TM4SF20: variants seen among roughly 807,000 people sequenced by gnomAD.
TM4SF20 encodes transmembrane 4 L six family member 20, also known as transmembrane 4 L6 family member 20.
Under a neutral mutation model 15.1 loss-of-function variants are expected in TM4SF20, and 13 were observed. The ratio of observed to expected loss-of-function variants is 0.86; its 90% confidence interval spans 0.56 to 1.36. TM4SF20 has a LOEUF of 1.36. Ranked by LOEUF, TM4SF20 falls within the 40% of genes most tolerant of loss-of-function variation. TM4SF20 has a pLI of 0.00. For missense variants in TM4SF20, 282 were observed against 268.4 expected, an observed-to-expected ratio of 1.05 and a Z score of -0.35; for synonymous variants, 92 against 96.6, an observed-to-expected ratio of 0.95 and a Z score of 0.28.
In TM4SF20 at chr2:227,368,942, TAAA is replaced by T. The variant is rs138200027; in HGVS notation, c.249+1970_249+1972del. On this transcript the variant is annotated intron_variant, in intron 2 of 3. Transcript: ENST00000304568. The stretch of plus-strand genomic sequence containing the variant: ...GGCCTCAAAGACACCAGATACGACA[TAAA>T]AACCAGTTCTTAGAGGATACACCTA... 2.3e-3 allele frequency among the ~76,000 whole-genome samples: 356 copies of T among 152,328 alleles called. 12 individuals carry two copies. In the East Asian group the frequency reaches 0.063, roughly 27 times the overall value.
chr2:227,379,022 C>A (rs2076464756), intron 1 of TM4SF20, 64 bp downstream of exon 1: 1 of 1,535,238 alleles, frequency 6.5e-7, no homozygotes, highest in African/African-American at 1.4e-5. Flanking sequence ...TGGAAGACAG[C>A]TTTTAGGATT....
intron 2 of TM4SF20, among the ~76,000 whole-genome samples, chr2:227,368,335 T>TCATATA (rs1553786651): frequency 2.4e-5 from 3 of 122,726 alleles, no homozygotes; most frequent in African/African-American, 9.4e-5. Flanking sequence ...CATCTATTAT[T>TCATATA]TATATATATA....
chr2:227,364,179 T>TA (rs1182873672), intron 3 of TM4SF20, among the ~76,000 whole-genome samples, 167 bp from the exon 4 acceptor site: 1 of 152,208 alleles, frequency 6.6e-6, no homozygotes, highest in Admixed American at 6.5e-5. Context: ...CTCTACTAGT[T>TA]ACAAAACTTT....
intron 2 of TM4SF20, among the ~76,000 whole-genome samples, chr2:227,370,280 C>T (rs903637742): frequency 2.6e-5 from 4 of 152,074 alleles, no homozygotes; most frequent in African/African-American, 4.8e-5. Context: ...ATATCACACC[C>T]GAGTATTATG....
intron 2 of TM4SF20, 76 bp from the exon 3 acceptor site, chr2:227,366,320 A>G (rs1307073269): frequency 1.5e-6 from 2 of 1,318,820 alleles, no homozygotes; most frequent in South Asian, 2.9e-5. Flanking sequence ...GAGCGTATAC[A>G]GTCTTTTTTA....
chr2:227,363,837 A>C lies in TM4SF20; in HGVS notation c.577T>G (p.Leu193Val), dbSNP rs1230081095. The C allele has an allele frequency of 6.2e-7, 1 of 1,614,182 alleles. No individual in the cohort carries two copies. Among genetic ancestry groups the C allele is most frequent in the East Asian group, 2.2e-5 (1 of 44,886 alleles). ...KHRLIHFSVF[L>V]GLLLVGILEV... The stretch of plus-strand genomic sequence containing the variant: ...AGAATTCCAACAAGCAATAGACCTA[A>C]AAATACTGAGAAGTGGATAAGCCTA... The change falls in exon 4 of 4, where the codon TTA becomes GTA. Residue 193 changes from leucine (L) to valine (V), a missense_variant. Transcript: ENST00000304568.
chr2:227,367,845 G>A (rs1190462769), intron 2 of TM4SF20, among the ~76,000 whole-genome samples: 1 of 152,038 alleles, frequency 6.6e-6, no homozygotes, highest in African/African-American at 2.4e-5. Flanking sequence ...GACAAAACTT[G>A]TCAGGCTCTC....
At chr2:227,368,199 A>G (rs1560004248) in intron 2 of TM4SF20, among the ~76,000 whole-genome samples, 2 of 147,508 alleles carry the variant, frequency 1.4e-5, no homozygotes, top group Non-Finnish European at 3.0e-5. Flanking sequence ...AATTTTTTGT[A>G]TTTTTAGTAG....
chr2:227,374,088 TAAAAAAAAAAA>T (rs79866106), intron 1 of TM4SF20, among the ~76,000 whole-genome samples: 4 of 85,310 alleles, frequency 4.7e-5, no homozygotes, highest in African/African-American at 1.8e-4. Flanking sequence ...AGACCCTGTC[TAAAAAAAAAAA>T]AAAAAAAAAA....
rs2076467411 is a variant in TM4SF20, at chr2:227,379,200, T to C, written c.69A>G (p.Val23=). The C allele has an allele frequency of 1.2e-6, 2 of 1,614,118 alleles. No homozygotes were observed. Among genetic ancestry groups the C allele is most frequent in the Non-Finnish European group, 1.7e-6 (2 of 1,180,048 alleles). Residue 23 remains valine, a synonymous_variant, in exon 1 of 4, where the codon GTA becomes GTG. Transcript: ENST00000304568. ...CAATTAGAGGTATCGCATTGAGAAC[T>C]ACTCCTAACAGCAGTAGAACCAGCA... ...FSLLVLLLLG[V]VLNAIPLIVS...
At chr2:227,376,431 C>G (rs2076450952) in intron 1 of TM4SF20, among the ~76,000 whole-genome samples, 1 of 152,160 alleles carries the variant, frequency 6.6e-6, no homozygotes, top group Non-Finnish European at 1.5e-5. Flanking sequence ...GAAAATATAC[C>G]TGTAGTCTGA....
At chr2:227,369,586 GC>G in intron 2 of TM4SF20, among the ~76,000 whole-genome samples, 1 of 152,056 alleles carries the variant, frequency 6.6e-6, no homozygotes, top group East Asian at 1.9e-4. Flanking sequence ...GGGCCACCGT[GC>G]CCAGCTAATT....
intron 2 of TM4SF20, among the ~76,000 whole-genome samples, chr2:227,367,985 C>G (rs1300406870): frequency 1.3e-5 from 2 of 149,344 alleles, no homozygotes; most frequent in Non-Finnish European, 3.0e-5. Context: ...ATGTACTCAT[C>G]AAGAAGTGCC....
intron 1 of TM4SF20, among the ~76,000 whole-genome samples, chr2:227,374,081 C>T (rs1490387004): frequency 2.2e-5 from 3 of 135,958 alleles, no homozygotes; most frequent in Admixed American, 7.7e-5. Context: ...CAAAGTGAGA[C>T]CCTGTCTAAA....
chr2:227,364,569 T>G (rs2076381654), intron 3 of TM4SF20, among the ~76,000 whole-genome samples: 1 of 152,178 alleles, frequency 6.6e-6, no homozygotes, highest in Non-Finnish European at 1.5e-5. Flanking sequence ...CAAGATGATT[T>G]TTTGTTTGTT....
intron 2 of TM4SF20, among the ~76,000 whole-genome samples, chr2:227,366,888 G>A (rs934867647): frequency 1.3e-5 from 2 of 151,956 alleles, no homozygotes; most frequent in Admixed American, 1.3e-4. Context: ...ATCTTGACTG[G>A]ATCTTAACTA....
intron 2 of TM4SF20, among the ~76,000 whole-genome samples, chr2:227,368,162 T>C (rs1259909407): frequency 6.7e-6 from 1 of 149,938 alleles, no homozygotes; most frequent in East Asian, 2.0e-4. Flanking sequence ...TAGCTGGGAC[T>C]ACAGGCACCC....
chr2:227,377,701 T>A (rs1381226244), intron 1 of TM4SF20, among the ~76,000 whole-genome samples: 1 of 152,100 alleles, frequency 6.6e-6, no homozygotes, highest in African/African-American at 2.4e-5. Flanking sequence ...GAGGCCATTA[T>A]CCTTAAACTA....
At chr2:227,379,362 T>A, upstream of TM4SF20, 1 of 1,120,944 alleles carries the variant, frequency 8.9e-7, no homozygotes, top group Non-Finnish European at 1.3e-6. Flanking sequence ...AATTTAACGC[T>A]AATAAAAAAT....
Sources: allele counts gnomAD v4.1 joint callset (sites outside exome capture counted in the v4.1 genomes callset), GRCh38; gene constraint gnomAD v4.1.1; transcripts MANE v1.5; gene names NCBI Gene and HGNC (gene_info 2026-07-23, HGNC 2026-07-21).